Variants in VPS8 observed in about 807,000 individuals in gnomAD.
The protein encoded by VPS8 is VPS8 subunit of CORVET complex.
A neutral mutation model predicts 216.4 loss-of-function variants in VPS8; 129 were observed. That is an observed-to-expected ratio of 0.60 (90% CI 0.52 to 0.69). VPS8 has a LOEUF of 0.69. Ranked by LOEUF, VPS8 falls within the 30% of genes least tolerant of loss-of-function variation. The probability of loss-of-function intolerance (pLI) is 0.00; values close to 1 mark genes in which losing one functional copy is unlikely to be tolerated. For missense variants in VPS8, 1,531 were observed against 1,683.5 expected (o/e 0.91, Z 1.59); for synonymous variants, 571 against 565.4 (o/e 1.01, Z -0.14).
chr3:184,957,632 T>TCCG, intron 37 of VPS8, 111 bp downstream of exon 37: 42 of 1,318,040 alleles, frequency 3.2e-5, no homozygotes, highest in Non-Finnish European at 4.3e-5. Flanking sequence ...TTAAACCTTA[T>TCCG]AAATTCTTAG....
intron 25 of VPS8, among the ~76,000 whole-genome samples, chr3:184,906,247 A>C (rs1578179345): frequency 6.6e-6 from 1 of 152,060 alleles, no homozygotes; most frequent in African/African-American, 2.4e-5. Context: ...TTTCCTTCTC[A>C]TATTGATTTC....
intron 14 of VPS8, among the ~76,000 whole-genome samples, chr3:184,856,532 C>T (rs1200396666): frequency 6.6e-6 from 1 of 152,198 alleles, no homozygotes; most frequent in Non-Finnish European, 1.5e-5. Flanking sequence ...CACTGTCCAC[C>T]TAGTTTCTCC....
At chr3:184,940,603 C>G (rs550946158) in intron 36 of VPS8, among the ~76,000 whole-genome samples, 1 of 152,270 alleles carries the variant, frequency 6.6e-6, no homozygotes, top group Admixed American at 6.5e-5. Context: ...TTGATGGTGG[C>G]TCTACTTTCC....
At chr3:184,839,590 T>A (rs2049659002) in intron 6 of VPS8, 108 bp from the exon 7 acceptor site, 1 of 1,019,498 alleles carries the variant, frequency 9.8e-7, no homozygotes, top group Non-Finnish European at 1.4e-6. Flanking sequence ...TACAATAGTT[T>A]GTATGTCATC....
Position 184,868,066 on chromosome 3 carries a change from T to G in VPS8, c.1506+7T>G. ...GCTGAGGAGCTGGAGAGAGGTGAGT[T>G]CCAAGTAATTTCACATGTCAGAGTT... On this transcript the variant is annotated splice_region_variant and intron_variant, in intron 18 of 47. Coordinates refer to ENST00000625842, the MANE Select transcript of VPS8 (RefSeq NM_001009921.3). The G allele has an allele frequency of 6.2e-7, 1 of 1,612,672 alleles. No homozygotes were observed. The highest frequency in any genetic ancestry group is 8.5e-7 in the Non-Finnish European group (1 of 1,179,506).
intron 36 of VPS8, among the ~76,000 whole-genome samples, chr3:184,950,942 C>T (rs1201622928): frequency 2.0e-5 from 3 of 152,064 alleles, no homozygotes; most frequent in Admixed American, 2.0e-4. Context: ...GTATATGTAC[C>T]ACATTTTCTT....
intron 18 of VPS8, 115 bp downstream of exon 18, chr3:184,868,174 A>G (rs982358945): frequency 3.6e-6 from 4 of 1,121,302 alleles, no homozygotes; most frequent in Admixed American, 2.1e-5. Flanking sequence ...TCAGAAGTGT[A>G]CAAGAAAACC....
chr3:184,863,116 T>A (rs1482991246), intron 16 of VPS8, 49 bp downstream of exon 16: 3 of 1,592,612 alleles, frequency 1.9e-6, no homozygotes, highest in African/African-American at 2.7e-5. Flanking sequence ...TTTGATAAAC[T>A]TGGTATTTTG....
chr3:185,039,183 T>C (rs1333040091), intron 46 of VPS8, among the ~76,000 whole-genome samples: 4 of 152,214 alleles, frequency 2.6e-5, no homozygotes, highest in South Asian at 2.1e-4. Flanking sequence ...CAAAATTTCA[T>C]AGTGTAGGGA....
chr3:184,836,155 T>C (rs992874540), intron 5 of VPS8: 1 of 414,510 alleles, frequency 2.4e-6, no homozygotes, highest in Non-Finnish European at 4.7e-6. Context: ...AATTGGGGTA[T>C]CCTGACCTAG....
At chr3:184,914,369 CAAAAAATAGAAA>C (rs1737130748) in intron 26 of VPS8, among the ~76,000 whole-genome samples, 1 of 151,904 alleles carries the variant, frequency 6.6e-6, no homozygotes, top group African/African-American at 2.4e-5. Flanking sequence ...CCCTCCCCGC[CAAAAAATAGAAA>C]AAAGGTAGAC....
At chr3:185,039,052 C>T (rs1022181166) in intron 46 of VPS8, among the ~76,000 whole-genome samples, 2 of 152,170 alleles carry the variant, frequency 1.3e-5, no homozygotes, top group African/African-American at 4.8e-5. Flanking sequence ...GGAAGAAAGC[C>T]TTCCAACTGT....
chr3:184,842,260 T>A (rs76148163), intron 7 of VPS8, among the ~76,000 whole-genome samples: 3,938 of 149,152 alleles, frequency 0.026, 189 homozygotes, highest in African/African-American at 0.092. Flanking sequence ...CTGCAAACAA[T>A]TTAAAATGAA....
rs2110074233 is a variant in VPS8 at position 185,023,847 on chromosome 3, T to A, written c.4003-489T>A. On this transcript the variant is annotated intron_variant, in intron 45 of 47. Transcript: ENST00000625842. ...TCAGCTCTTCAAATATTTAAATATA[T>A]TTCTGTACTATTATCTTTTCTTCCT... Among the ~76,000 whole-genome samples the A allele has an allele frequency of 1.3e-5, 2 of 152,298 alleles. 1 individual carries two copies. The highest frequency in any genetic ancestry group is 4.1e-4 in the South Asian group (2 of 4,826).
Position 185,024,349 on chromosome 3 carries a change from C to T in VPS8, c.4016C>T (p.Pro1339Leu). The T allele has an allele frequency of 1.9e-6, 3 of 1,595,130 alleles. No homozygotes were observed. The highest frequency in any genetic ancestry group is 2.6e-6 in the Non-Finnish European group (3 of 1,169,904). Residue 1339 changes from proline (P) to leucine (L), a missense_variant, in exon 46 of 48, where the codon CCA becomes CTA. Transcript: ENST00000625842. ...TTTTTTTTCCAGGTAAAAATGTCTC[C>T]ATCGTATCATCAGTCCAAAGGGGAT... ...RITPSQVKMSPSYHQSKGDPT... is the reference protein window; with the variant it reads ...RITPSQVKMSLSYHQSKGDPT...
chr3:184,875,963 C>T (rs548658689), intron 21 of VPS8, among the ~76,000 whole-genome samples: 3 of 151,686 alleles, frequency 2.0e-5, no homozygotes, highest in Middle Eastern at 3.2e-3. Context: ...GCACTCCAAC[C>T]TGGGTGACAG....
intron 40 of VPS8, among the ~76,000 whole-genome samples, chr3:184,976,323 A>G (rs1442839799): frequency 6.6e-6 from 1 of 150,692 alleles, no homozygotes; most frequent in African/African-American, 2.4e-5. Context: ...TTTTGTTACA[A>G]TTTTTTTATT....
chr3:185,027,934 T>C (rs1757617832), intron 46 of VPS8, among the ~76,000 whole-genome samples: 1 of 152,240 alleles, frequency 6.6e-6, no homozygotes, highest in African/African-American at 2.4e-5. Context: ...TTATTCAATA[T>C]ACATATCTCA....
intron 36 of VPS8, among the ~76,000 whole-genome samples, chr3:184,954,050 C>T (rs999550091): frequency 6.6e-6 from 1 of 152,198 alleles, no homozygotes; most frequent in Non-Finnish European, 1.5e-5. Flanking sequence ...TGACCCTCCT[C>T]CGCAGGTTCC....
Sources: gnomAD v4.1 joint callset for allele counts (sites outside exome capture counted in the v4.1 genomes callset) on GRCh38, gnomAD v4.1.1 for gene constraint, MANE v1.5 for transcripts, NCBI Gene and HGNC (gene_info 2026-07-23, HGNC 2026-07-21) for gene names.